The following PARM1 variants were observed in gnomAD, a reference collection of about 807,000 sequenced individuals.
PARM1 encodes the protein WSC4, cell wall integrity and stress response component 4 homolog.
In PARM1, 14 loss-of-function variants were observed where a neutral mutation model predicts 24.6. The observed-to-expected ratio is 0.57, with a 90% CI of 0.38 to 0.89. The LOEUF is 0.89. Among genes scored for constraint, PARM1 ranks in the 40% least tolerant of loss-of-function variants. The pLI is 0.00. For missense variants in PARM1, 362 were observed against 380.4 expected, an observed-to-expected ratio of 0.95 and a Z score of 0.40; for synonymous variants, 179 against 156.6, an observed-to-expected ratio of 1.14 and a Z score of -1.07.
chr4:75,020,032 A>G (rs1560794310), intron 2 of PARM1, among the ~76,000 whole-genome samples: 2 of 150,908 alleles, frequency 1.3e-5, no homozygotes, highest in African/African-American at 4.9e-5. Flanking sequence ...AAAAAAAAAA[A>G]AAAAAGAAAA....
chr4:74,996,342 A>G (rs925637254), intron 1 of PARM1, among the ~76,000 whole-genome samples: 7 of 152,216 alleles, frequency 4.6e-5, no homozygotes, highest in African/African-American at 1.7e-4. Flanking sequence ...TGGGCTCTAA[A>G]TAATTTTTTA....
At chr4:74,936,460 T>TG in intron 1 of PARM1, among the ~76,000 whole-genome samples, 1 of 148,746 alleles carries the variant, frequency 6.7e-6, no homozygotes, top group Non-Finnish European at 1.5e-5. Context: ...TTTGTTTTTT[T>TG]GTTTTTTTTT....
At chr4:74,993,271 A>G (rs1017183267) in intron 1 of PARM1, among the ~76,000 whole-genome samples, 15 of 152,196 alleles carry the variant, frequency 9.9e-5, no homozygotes, top group African/African-American at 3.4e-4. Flanking sequence ...GCCAGTAGCC[A>G]TGAAGAAACT....
intron 1 of PARM1, among the ~76,000 whole-genome samples, chr4:74,964,783 A>G (rs1560777469): frequency 6.6e-6 from 1 of 152,208 alleles, no homozygotes; most frequent in East Asian, 1.9e-4. Flanking sequence ...ATAAGTAAAT[A>G]AAAGAAAAAC....
At chr4:74,963,725 A>T (rs922189818) in intron 1 of PARM1, among the ~76,000 whole-genome samples, 2 of 152,198 alleles carry the variant, frequency 1.3e-5, no homozygotes, top group African/African-American at 4.8e-5. Context: ...TTGGAAATAG[A>T]TAGTGGCAAT....
chr4:74,960,789 A>T (rs1376760060), intron 1 of PARM1, among the ~76,000 whole-genome samples: 1 of 152,012 alleles, frequency 6.6e-6, no homozygotes, highest in African/African-American at 2.4e-5. Context: ...CGGGTGGATC[A>T]CAAGGTCAGG....
chr4:75,012,570 C>T lies in PARM1; in HGVS notation c.189C>T (p.Asn63=). ...CCCCATCCAACGGCACTCACAACAACTCGGTGCTCCCAGTTACAGCATCAG... is the reference window on the plus strand; with the variant it reads ...CCCCATCCAACGGCACTCACAACAATTCGGTGCTCCCAGTTACAGCATCAG... ...TASPSNGTHN[N]SVLPVTASAP... The change falls in exon 2 of 4, where the codon AAC becomes AAT. Residue 63 remains asparagine, a synonymous_variant. Coordinates refer to ENST00000307428, the MANE Select transcript of PARM1 (RefSeq NM_015393.4). 1.9e-6 allele frequency: 3 copies of T among 1,613,950 alleles called. No homozygotes were observed. The highest frequency in any genetic ancestry group is 2.5e-6 in the Non-Finnish European group (3 of 1,179,894).
intron 1 of PARM1, among the ~76,000 whole-genome samples, chr4:74,986,696 G>A (rs765439725): frequency 1.1e-4 from 17 of 152,296 alleles, no homozygotes; most frequent in Non-Finnish European, 1.6e-4. Flanking sequence ...CTTTGGGGTT[G>A]CAGGTAACTG....
At chr4:75,031,776 A>C (rs1359561233) in intron 2 of PARM1, among the ~76,000 whole-genome samples, 3 of 152,220 alleles carry the variant, frequency 2.0e-5, no homozygotes, top group Non-Finnish European at 2.9e-5. Flanking sequence ...TAAAAGGAGA[A>C]ATTAAATTAA....
intron 1 of PARM1, among the ~76,000 whole-genome samples, chr4:74,964,566 C>CACACACACAA (rs1721859006): frequency 6.6e-6 from 1 of 151,704 alleles, no homozygotes; most frequent in Non-Finnish European, 1.5e-5. Context: ...CACACACACA[C>CACACACACAA]ACACACACAC....
chr4:75,027,516 T>C (rs1243126539), intron 2 of PARM1, among the ~76,000 whole-genome samples: 1 of 152,096 alleles, frequency 6.6e-6, no homozygotes. Context: ...AACTAAGGTT[T>C]TCTTTTCTCA....
intron 1 of PARM1, chr4:74,970,076 C>T (rs1340647503): frequency 5.3e-5 from 8 of 152,214 alleles, no homozygotes; most frequent in Admixed American, 3.3e-4. Context: ...AGTATCTCCA[C>T]TCACATGTCA....
rs190101829 is a variant in PARM1, at chr4:75,028,562, A to C, written c.770-5321A>C. Reference sequence around the variant, plus strand: ...AGAGGTTTGTTAAAGACTCTTCTCAAAATAGATCAGAGGCATGCACACATA... The same window carrying C: ...AGAGGTTTGTTAAAGACTCTTCTCACAATAGATCAGAGGCATGCACACATA... On this transcript the variant is annotated intron_variant, in intron 2 of 3. Coordinates refer to ENST00000307428, the MANE Select transcript of PARM1 (RefSeq NM_015393.4). 2.7e-4 allele frequency among the ~76,000 whole-genome samples: 41 copies of C among 152,360 alleles called. No homozygotes were observed. In the East Asian group the frequency reaches 7.9e-3, roughly 29 times the overall value.
intron 1 of PARM1, among the ~76,000 whole-genome samples, chr4:74,985,684 C>G (rs1722341294): frequency 6.6e-6 from 1 of 152,154 alleles, no homozygotes; most frequent in African/African-American, 2.4e-5. Flanking sequence ...CTGCCTCATT[C>G]CATTTGGCAG....
At position 74,940,464 on chromosome 4, in the gene PARM1, T is replaced by G. The variant is rs372219175; in HGVS notation, c.43+7094T>G. Among the ~76,000 whole-genome samples, 5 of 152,318 alleles carry G rather than the reference T, an allele frequency of 3.3e-5. 1 individual carries two copies. Reference sequence around the variant, plus strand: ...CGTCTGGAGGGGGCTGTCTTTCTGGTTCACTAGCTGTGTCTTCCTCATGTG... The same window carrying G: ...CGTCTGGAGGGGGCTGTCTTTCTGGGTCACTAGCTGTGTCTTCCTCATGTG... On this transcript the variant is annotated intron_variant, in intron 1 of 3. Transcript: ENST00000307428.
intron 1 of PARM1, among the ~76,000 whole-genome samples, chr4:75,007,045 C>T (rs1198739882): frequency 6.6e-6 from 1 of 152,068 alleles, no homozygotes; most frequent in Non-Finnish European, 1.5e-5. Context: ...TCAAGCAACC[C>T]CATCAAAAAG....
At chr4:75,040,291 A>T (rs79251283) in intron 3 of PARM1, among the ~76,000 whole-genome samples, 13 of 152,176 alleles carry the variant, frequency 8.5e-5, no homozygotes, top group Admixed American at 7.2e-4. Context: ...CAATGTGTAG[A>T]CCTTTTCTGT....
chr4:75,035,774 A>C lies in PARM1; in HGVS notation c.848+1813A>C, dbSNP rs570459175. Among the ~76,000 whole-genome samples the C allele has an allele frequency of 5.9e-5, 9 of 152,292 alleles. No homozygotes were observed. The South Asian group carries it at 1.9e-3, about 32-fold the overall frequency. ...ACAGGAAAGCCAGGTTTTGAAGAGAAATTGGAATTAAAGGGCCCGCTTGAC... is the reference window on the plus strand; with the variant it reads ...ACAGGAAAGCCAGGTTTTGAAGAGACATTGGAATTAAAGGGCCCGCTTGAC... On this transcript the variant is annotated intron_variant, in intron 3 of 3. Transcript: ENST00000307428.
chr4:75,030,921 G>A (rs1723263812), intron 2 of PARM1, among the ~76,000 whole-genome samples: 1 of 152,174 alleles, frequency 6.6e-6, no homozygotes, highest in Non-Finnish European at 1.5e-5. Context: ...GGGAATTCCA[G>A]TTTAGTTTAA....
Sources: gnomAD v4.1 joint callset for allele counts (sites outside exome capture counted in the v4.1 genomes callset) on GRCh38, gnomAD v4.1.1 for gene constraint, MANE v1.5 for transcripts, NCBI Gene and HGNC (gene_info 2026-07-23, HGNC 2026-07-21) for gene names.